ROBO2: variants seen among roughly 807,000 people sequenced by gnomAD.
The protein encoded by ROBO2 is roundabout guidance receptor 2.
A neutral mutation model predicts 160.8 loss-of-function variants in ROBO2; 53 were observed. That is an observed-to-expected ratio of 0.33 (90% CI 0.26 to 0.41). The LOEUF (loss-of-function observed/expected upper bound fraction) is 0.41. ROBO2 is among the 10% of genes least tolerant of loss of function. The pLI, the probability that ROBO2 is intolerant of heterozygous loss-of-function variation, is 1.00. For missense variants in ROBO2, 1,577 were observed against 1,722.4 expected (o/e 0.92, Z 1.49); for synonymous variants, 664 against 611.7 (o/e 1.09, Z -1.26).
At chr3:77,320,524 G>T (rs1360732958) in intron 2 of ROBO2, among the ~76,000 whole-genome samples, 1 of 151,580 alleles carries the variant, frequency 6.6e-6, no homozygotes, top group Non-Finnish European at 1.5e-5. Context: ...GCAGTTGCCA[G>T]TTATATGGTT....
At chr3:77,642,747 C>G (rs761095553) in intron 24 of ROBO2, 1 of 456,624 alleles carries the variant, frequency 2.2e-6, no homozygotes, top group Non-Finnish European at 4.4e-6. Context: ...AGGCTGGTAA[C>G]GTGGAAAACT....
chr3:76,912,845 TGAC>T (rs967108375), intron 2 of ROBO2, among the ~76,000 whole-genome samples: 1 of 151,932 alleles, frequency 6.6e-6, no homozygotes, highest in African/African-American at 2.4e-5. Context: ...GAACTATTAA[TGAC>T]GAATTACTAC....
intron 6 of ROBO2, among the ~76,000 whole-genome samples, chr3:77,531,852 C>T (rs2091754260): frequency 1.3e-5 from 2 of 151,920 alleles, no homozygotes; most frequent in Non-Finnish European, 2.9e-5. Context: ...AAGCTGTTAC[C>T]CCATGACCTG....
intron 1 of ROBO2, among the ~76,000 whole-genome samples, chr3:77,055,050 A>T (rs2065603045): frequency 6.6e-6 from 1 of 151,774 alleles, no homozygotes; most frequent in Non-Finnish European, 1.5e-5. Flanking sequence ...TGCAACAATA[A>T]GTAGAGAAAC....
At chr3:76,454,169 A>C (rs539141710) in intron 2 of ROBO2, among the ~76,000 whole-genome samples, 1 of 152,192 alleles carries the variant, frequency 6.6e-6, no homozygotes, top group Non-Finnish European at 1.5e-5. Flanking sequence ...AAATCCTGGG[A>C]ATCCAGAAGT....
intron 2 of ROBO2, among the ~76,000 whole-genome samples, chr3:76,065,752 T>TATAC (rs1360593574): frequency 4.7e-4 from 68 of 143,754 alleles, no homozygotes; most frequent in East Asian, 3.1e-3. Flanking sequence ...TATATATATA[T>TATAC]ACACACACAC....
intron 1 of ROBO2, among the ~76,000 whole-genome samples, chr3:75,929,261 G>A (rs6783920): frequency 0.082 from 12,262 of 149,888 alleles, 1,664 homozygotes; most frequent in African/African-American, 0.28. Flanking sequence ...GATAGTATAA[G>A]GAGAGAGTTA....
intron 2 of ROBO2, among the ~76,000 whole-genome samples, chr3:76,571,278 T>C (rs2084942715): frequency 6.6e-6 from 1 of 152,164 alleles, no homozygotes; most frequent in African/African-American, 2.4e-5. Context: ...TTTACCAGAA[T>C]ACATGTAGTG....
chr3:77,325,025 G>T (rs1206438337), intron 2 of ROBO2, among the ~76,000 whole-genome samples: 1 of 152,110 alleles, frequency 6.6e-6, no homozygotes, highest in African/African-American at 2.4e-5. Flanking sequence ...GGAAATTAAA[G>T]TATAGTTATG....
At chr3:76,896,577 C>T (rs1345723716) in intron 2 of ROBO2, among the ~76,000 whole-genome samples, 1 of 151,866 alleles carries the variant, frequency 6.6e-6, no homozygotes, top group Non-Finnish European at 1.5e-5. Flanking sequence ...TGCTATTATC[C>T]TCAATTCTTA....
intron 2 of ROBO2, among the ~76,000 whole-genome samples, chr3:76,594,409 C>A (rs577868178): frequency 4.9e-4 from 74 of 151,970 alleles, no homozygotes; most frequent in African/African-American, 1.7e-3. Flanking sequence ...AAAAATAAAG[C>A]ACAAAGGAAG....
intron 1 of ROBO2, among the ~76,000 whole-genome samples, chr3:77,057,060 C>T (rs1267629791): frequency 1.3e-5 from 2 of 152,136 alleles, no homozygotes; most frequent in Non-Finnish European, 2.9e-5. Context: ...TTGGAACCAA[C>T]CCAAATGTCC....
chr3:76,740,769 C>T (rs1308834596), intron 2 of ROBO2, among the ~76,000 whole-genome samples: 2 of 152,182 alleles, frequency 1.3e-5, no homozygotes, highest in Admixed American at 6.5e-5. Context: ...ATAAAGCTTA[C>T]TGTAAATGAT....
intron 2 of ROBO2, among the ~76,000 whole-genome samples, chr3:76,124,409 T>C (rs950001109): frequency 1.3e-5 from 2 of 152,098 alleles, no homozygotes; most frequent in Non-Finnish European, 2.9e-5. Context: ...TTAGGAACAA[T>C]TGTTATGGTG....
intron 23 of ROBO2, chr3:77,632,564 C>G (rs548629438): frequency 6.5e-7 from 1 of 1,535,786 alleles, no homozygotes; most frequent in Non-Finnish European, 8.7e-7. Context: ...TCAGATGGCT[C>G]TATCTTTGCC....
At chr3:76,992,140 C>A (rs367758520) in intron 2 of ROBO2, among the ~76,000 whole-genome samples, 8 of 151,526 alleles carry the variant, frequency 5.3e-5, no homozygotes, top group Admixed American at 1.3e-4. Flanking sequence ...AAAAAGAGTC[C>A]TTTCTAACAG....
At chr3:77,568,562 T>G (rs1175211067) in intron 13 of ROBO2, 128 bp downstream of exon 14, 1 of 1,081,974 alleles carries the variant, frequency 9.2e-7, no homozygotes. Context: ...TAATCAATGA[T>G]AGTAAAGAAA....
intron 2 of ROBO2, among the ~76,000 whole-genome samples, chr3:76,921,784 T>C (rs954348623): frequency 6.6e-6 from 1 of 152,202 alleles, no homozygotes; most frequent in African/African-American, 2.4e-5. Flanking sequence ...GAGATAGCCA[T>C]ATTTCTGCCA....
chr3:76,182,242 G>T (rs1252435268), intron 2 of ROBO2, among the ~76,000 whole-genome samples: 5 of 152,084 alleles, frequency 3.3e-5, no homozygotes, highest in Admixed American at 3.3e-4. Flanking sequence ...GCAATTGTTT[G>T]TTTATTTAGT....
Sources: gnomAD v4.1 joint callset for allele counts (sites outside exome capture counted in the v4.1 genomes callset) on GRCh38, gnomAD v4.1.1 for gene constraint, MANE v1.5 for transcripts, NCBI Gene and HGNC (gene_info 2026-07-23, HGNC 2026-07-21) for gene names.